Variants in TRMT2B observed in about 807,000 individuals in gnomAD.
TRMT2B encodes the protein tRNA methyltransferase 2B.
Under a neutral mutation model 39.7 loss-of-function variants are expected in TRMT2B, and 34 were observed. That is an observed-to-expected ratio of 0.86 (90% CI 0.65 to 1.14). TRMT2B has a LOEUF of 1.14. TRMT2B is among the 50% of genes most tolerant of loss of function. The pLI, the probability that TRMT2B is intolerant of heterozygous loss-of-function variation, is 0.00. For missense variants in TRMT2B, 318 were observed against 377.2 expected, an observed-to-expected ratio of 0.84 and a Z score of 1.30; for synonymous variants, 132 against 137.3, an observed-to-expected ratio of 0.96 and a Z score of 0.27.
intron 7 of TRMT2B, among the ~76,000 whole-genome samples, chrX:101,034,647 G>C (rs780444871): frequency 6.3e-5 from 7 of 110,416 alleles, no homozygotes; most frequent in African/African-American, 2.3e-4. Flanking sequence ...AAAGCAAAAT[G>C]GAAAAAAAAA....
chrX:100,998,573 A>C, the TRMT2B span, among the ~76,000 whole-genome samples: 13 of 102,915 alleles, frequency 1.3e-4, no homozygotes, highest in South Asian at 4.8e-4. Flanking sequence ...AAAAAAAAAA[A>C]CGACACCCAT....
chrX:101,002,342 T>C, the TRMT2B span, among the ~76,000 whole-genome samples: 3 of 112,416 alleles, frequency 2.7e-5, no homozygotes, highest in African/African-American at 9.7e-5. Context: ...ACAGTCACCA[T>C]AGTAATTATT....
chrX:100,997,674 C>A, the TRMT2B span, among the ~76,000 whole-genome samples: 1 of 111,921 alleles, frequency 8.9e-6, no homozygotes, highest in East Asian at 2.8e-4. Flanking sequence ...GACGCCTCAT[C>A]ACAGTTATTT....
chrX:100,996,620 T>G, the TRMT2B span, among the ~76,000 whole-genome samples: 1 of 111,967 alleles, frequency 8.9e-6, no homozygotes, highest in Non-Finnish European at 1.9e-5. Flanking sequence ...CAAACACAAT[T>G]ACCATTTCAG....
intron 9 of TRMT2B, among the ~76,000 whole-genome samples, chrX:101,021,546 T>C (rs1224746682): frequency 9.0e-6 from 1 of 111,218 alleles, no homozygotes; most frequent in Non-Finnish European, 1.9e-5. Flanking sequence ...GGAGAGTCAC[T>C]TGAACTCGGG....
the TRMT2B span, chrX:100,985,550 A>G: frequency 1.1e-5 from 10 of 869,755 alleles, no homozygotes; most frequent in Non-Finnish European, 1.6e-6. Context: ...TCCCCTCTGC[A>G]TAGTACTTCC....
At chrX:100,979,365 C>T in the TRMT2B span, among the ~76,000 whole-genome samples, 1 of 111,936 alleles carries the variant, frequency 8.9e-6, no homozygotes, top group Non-Finnish European at 1.9e-5. Flanking sequence ...TACTTTATTT[C>T]TCTTTCATGT....
chrX:101,038,657 G>A (rs1274007963), intron 4 of TRMT2B, among the ~76,000 whole-genome samples: 1 of 112,313 alleles, frequency 8.9e-6, no homozygotes, highest in Non-Finnish European at 1.9e-5. Context: ...GAAATGTTCT[G>A]TTTGCCCTGT....
the TRMT2B span, among the ~76,000 whole-genome samples, chrX:100,978,028 G>A: frequency 3.6e-5 from 4 of 112,100 alleles, no homozygotes; most frequent in South Asian, 3.8e-4. Context: ...TACACAGCAG[G>A]TGGATTGCTG....
chrX:100,985,679 A>T, the TRMT2B span: 1 of 1,209,768 alleles, frequency 8.3e-7, no homozygotes, highest in Non-Finnish European at 1.1e-6. Flanking sequence ...CTTCCCAGTA[A>T]GACAGACCAT....
Position 101,022,068 on chromosome X carries a change from C to G in TRMT2B, c.757-6G>C. 1 of 1,196,565 alleles carries G rather than the reference C, an allele frequency of 8.4e-7. No homozygotes were observed. On this transcript the variant is annotated splice_polypyrimidine_tract_variant and splice_region_variant and intron_variant, in intron 8 of 13. Transcript: ENST00000372936. Reference sequence around the variant, plus strand: ...TTCTGAACATGGAGCTCCTCCTGCCCAGACCATAAAATTAGCAGTTAAGCA... The same window carrying G: ...TTCTGAACATGGAGCTCCTCCTGCCGAGACCATAAAATTAGCAGTTAAGCA...
chrX:100,995,062 C>G, the TRMT2B span, among the ~76,000 whole-genome samples: 2 of 112,154 alleles, frequency 1.8e-5, no homozygotes, highest in African/African-American at 6.5e-5. Context: ...TCAGGAGAAT[C>G]CTGCCAACTA....
At chrX:101,017,064 C>A (rs1413849919) in intron 13 of TRMT2B, among the ~76,000 whole-genome samples, 1 of 108,660 alleles carries the variant, frequency 9.2e-6, no homozygotes, top group Non-Finnish European at 1.9e-5. Flanking sequence ...TCCAGCTACT[C>A]GGGAGGCTGA....
the TRMT2B span, among the ~76,000 whole-genome samples, chrX:100,981,450 G>A: frequency 9.1e-6 from 1 of 110,170 alleles, no homozygotes; most frequent in Admixed American, 9.7e-5. Flanking sequence ...TGAGGAAAGG[G>A]TGGTGCTGGT....
In TRMT2B at chrX:101,035,693, GA is replaced by G. The variant is rs1196050168; in HGVS notation, c.539-11del. 2.5e-6 allele frequency: 3 copies of G among 1,188,452 alleles called. No individual in the cohort carries two copies. In the African/African-American group the frequency reaches 5.3e-5, roughly 21 times the overall value. On this transcript the variant is annotated splice_polypyrimidine_tract_variant and intron_variant, in intron 6 of 13. Transcript: ENST00000372936. ...CAGACAACGTTCCCATCTATGGAAA[GA>G]AAAATAATTTGCATGGTTTTATTCT...
At chrX:101,003,871 C>A in the TRMT2B span, among the ~76,000 whole-genome samples, 1 of 111,411 alleles carries the variant, frequency 9.0e-6, no homozygotes. Context: ...TGCTGTGTCA[C>A]CCAGGCTGGA....
chrX:101,032,021 G>A (rs763200001), intron 7 of TRMT2B, among the ~76,000 whole-genome samples: 26 of 110,955 alleles, frequency 2.3e-4, no homozygotes, highest in African/African-American at 7.5e-4. Context: ...GGGGACCGGG[G>A]GTGCCTATAA....
chrX:101,035,224 C>T (rs759081894), intron 7 of TRMT2B, among the ~76,000 whole-genome samples: 13 of 111,106 alleles, frequency 1.2e-4, no homozygotes, highest in Admixed American at 1.9e-4. Flanking sequence ...TATCAGAGGC[C>T]AAGCTCATGA....
the TRMT2B span, among the ~76,000 whole-genome samples, chrX:100,996,259 A>G: frequency 8.9e-6 from 1 of 112,346 alleles, no homozygotes; most frequent in Non-Finnish European, 1.9e-5. Context: ...TAGATACCAG[A>G]GGCTGGGAAG....
Sources: allele counts gnomAD v4.1 joint callset (sites outside exome capture counted in the v4.1 genomes callset), GRCh38; gene constraint gnomAD v4.1.1; transcripts MANE v1.5; gene names NCBI Gene and HGNC (gene_info 2026-07-23, HGNC 2026-07-21).